AGTPBP1: variants seen among roughly 807,000 people sequenced by gnomAD.
The protein encoded by AGTPBP1 is ATP/GTP binding carboxypeptidase 1, also known as cytosolic carboxypeptidase 1.
Under a neutral mutation model 143.9 loss-of-function variants are expected in AGTPBP1, and 70 were observed. That is an observed-to-expected ratio of 0.49 (90% confidence interval 0.40 to 0.59). The LOEUF is 0.59. Ranked by LOEUF, AGTPBP1 falls within the 20% of genes least tolerant of loss-of-function variation. The pLI is 0.00. For synonymous variants in AGTPBP1, 463 were observed against 500.2 expected (o/e 0.93, Z 0.99); for missense variants, 1,229 against 1,464.5 (o/e 0.84, Z 2.62).
chr9:85,552,853 A>T (rs370548989), intron 25 of AGTPBP1, among the ~76,000 whole-genome samples: 1 of 152,194 alleles, frequency 6.6e-6, no homozygotes, highest in African/African-American at 2.4e-5. Context: ...GCATAATAAA[A>T]TATCATGGGG....
At chr9:85,681,731 G>A (rs528551725) in intron 3 of AGTPBP1, among the ~76,000 whole-genome samples, 2 of 146,566 alleles carry the variant, frequency 1.4e-5, no homozygotes, top group South Asian at 4.5e-4. Context: ...CCAATGCTAT[G>A]ATTGCATTAA....
intron 25 of AGTPBP1, among the ~76,000 whole-genome samples, chr9:85,571,926 T>C (rs923882528): frequency 2.1e-5 from 3 of 145,254 alleles, no homozygotes; most frequent in Non-Finnish European, 4.5e-5. Context: ...CCTACATCAA[T>C]AAACAGGAGA....
chr9:85,630,461 CG>C (rs1831593132), intron 14 of AGTPBP1, among the ~76,000 whole-genome samples: 1 of 148,848 alleles, frequency 6.7e-6, no homozygotes, highest in South Asian at 2.2e-4. Context: ...TGCAGTGGCA[CG>C]ATTGATTGAT....
At chr9:85,574,122 A>G (rs1311100548) in intron 25 of AGTPBP1, among the ~76,000 whole-genome samples, 2 of 152,148 alleles carry the variant, frequency 1.3e-5, no homozygotes, top group African/African-American at 4.8e-5. Context: ...TTTGTTCTGT[A>G]CTAAGAAAAA....
intron 25 of AGTPBP1, among the ~76,000 whole-genome samples, chr9:85,564,698 C>CTA (rs530466953): frequency 7.7e-4 from 117 of 152,318 alleles, no homozygotes; most frequent in African/African-American, 2.7e-3. Context: ...GTGTAATGGG[C>CTA]TATACCATCT....
chr9:85,721,122 C>T (rs1242016793), intron 1 of AGTPBP1, among the ~76,000 whole-genome samples: 1 of 152,158 alleles, frequency 6.6e-6, no homozygotes, highest in Admixed American at 6.6e-5. Flanking sequence ...CAATGAGGTG[C>T]TGAAAAGAAT....
chr9:85,743,171 A>G (rs1824483836), upstream of AGTPBP1, among the ~76,000 whole-genome samples: 2 of 152,240 alleles, frequency 1.3e-5, no homozygotes, highest in Non-Finnish European at 2.9e-5. Flanking sequence ...ATACCCAATA[A>G]TAATGTAATA....
At chr9:85,777,929 C>T in the AGTPBP1 span, among the ~76,000 whole-genome samples, 1 of 152,208 alleles carries the variant, frequency 6.6e-6, no homozygotes, top group South Asian at 2.1e-4. Flanking sequence ...TAGAAAGGGG[C>T]TGTAGTGCCG....
At chr9:85,659,998 TTAC>T (rs1833757090) in intron 9 of AGTPBP1, among the ~76,000 whole-genome samples, 2 of 152,084 alleles carry the variant, frequency 1.3e-5, no homozygotes, top group South Asian at 2.1e-4. Context: ...ATTCTATTAT[TTAC>T]TACTAATACC....
At chr9:85,764,323 G>A in the AGTPBP1 span, among the ~76,000 whole-genome samples, 536 of 152,160 alleles carry the variant, frequency 3.5e-3, no homozygotes, top group African/African-American at 0.012. Flanking sequence ...GAGGTCAGGA[G>A]TTCGAGACCA....
At chr9:85,643,980 A>G (rs1222006698) in intron 12 of AGTPBP1, among the ~76,000 whole-genome samples, 1 of 152,130 alleles carries the variant, frequency 6.6e-6, no homozygotes, top group Non-Finnish European at 1.5e-5. Context: ...AGCCTAATTT[A>G]CAAGTATATT....
intron 8 of AGTPBP1, among the ~76,000 whole-genome samples, chr9:85,664,321 T>C (rs1298598050): frequency 2.0e-5 from 3 of 152,184 alleles, no homozygotes; most frequent in Admixed American, 6.6e-5. Flanking sequence ...TTTGCCTTCA[T>C]AGGCCCCTCC....
the AGTPBP1 span, among the ~76,000 whole-genome samples, chr9:85,768,673 A>T: frequency 5.3e-5 from 8 of 152,156 alleles, no homozygotes; most frequent in Non-Finnish European, 8.8e-5. Context: ...CAATTATCAA[A>T]CCATCAAATT....
At chr9:85,584,554 G>A (rs1828482800) in intron 23 of AGTPBP1, among the ~76,000 whole-genome samples, 1 of 152,120 alleles carries the variant, frequency 6.6e-6, no homozygotes, top group Non-Finnish European at 1.5e-5. Flanking sequence ...AAATCTAGTT[G>A]AGAATTGTGA....
At chr9:85,683,930 C>T (rs1835340560) in intron 3 of AGTPBP1, among the ~76,000 whole-genome samples, 2 of 151,754 alleles carry the variant, frequency 1.3e-5, no homozygotes, top group Admixed American at 6.6e-5. Context: ...ATTCCAAGCA[C>T]CCCCACCCCC....
At chr9:85,682,623 C>T (rs1274236873) in intron 3 of AGTPBP1, among the ~76,000 whole-genome samples, 4 of 152,196 alleles carry the variant, frequency 2.6e-5, no homozygotes, top group African/African-American at 7.2e-5. Context: ...AATCAACCCA[C>T]TCTCAATACA....
Position 85,642,924 on chromosome 9 carries a change from T to A in AGTPBP1, c.1205A>T (p.Asp402Val), listed in dbSNP as rs754804892. ...QNFKNDDIET[D>V]INKLKPQQEP... ...TTGCTGGGGTTTTAGTTTGTTAATA[T>A]CTGTTTCAATATCATCATTCTGAAA... The change falls in exon 13 of 26, where the codon GAT (aspartate) becomes GTT (valine). Residue 402 changes from aspartate to valine, a missense_variant. By Grantham distance (152) the Asp-to-Val change is radical (BLOSUM62 -3). Transcript: ENST00000357081. 1.2e-6 allele frequency: 2 copies of A among 1,612,368 alleles called. No individual in the cohort carries two copies. Among genetic ancestry groups the A allele is most frequent in the Non-Finnish European group, 1.7e-6 (2 of 1,179,062 alleles).
At chr9:85,747,706 CT>C in the AGTPBP1 span, among the ~76,000 whole-genome samples, 2 of 151,956 alleles carry the variant, frequency 1.3e-5, no homozygotes, top group Admixed American at 6.5e-5. Context: ...TTAATTGCAG[CT>C]ATGGAAAAGT....
intron 12 of AGTPBP1, among the ~76,000 whole-genome samples, chr9:85,645,468 GC>G (rs542281972): frequency 1.8e-4 from 27 of 152,182 alleles, no homozygotes; most frequent in African/African-American, 6.5e-4. Flanking sequence ...TGACAGTTTC[GC>G]CAAAGCTTAC....
Sources: gnomAD v4.1 joint callset for allele counts (sites outside exome capture counted in the v4.1 genomes callset) on GRCh38, gnomAD v4.1.1 for gene constraint, MANE v1.5 for transcripts, NCBI Gene and HGNC (gene_info 2026-07-23, HGNC 2026-07-21) for gene names.